Variants in HECW2 observed in about 807,000 individuals in gnomAD.
HECW2 encodes the protein E3 ubiquitin-protein ligase HECW2.
Under a neutral mutation model 175.2 loss-of-function variants are expected in HECW2, and 61 were observed. The observed-to-expected ratio is 0.35, with a 90% CI of 0.28 to 0.43. HECW2 has a LOEUF of 0.43. Ranked by LOEUF, HECW2 falls within the 20% of genes least tolerant of loss-of-function variation. The pLI, the probability that HECW2 is intolerant of heterozygous loss-of-function variation, is 1.00. For synonymous variants in HECW2, 671 were observed against 731.0 expected (o/e 0.92, Z 1.32); for missense variants, 1,524 against 2,000.5 (o/e 0.76, Z 4.54).
chr2:196,474,899 GAAT>G (rs1258757689), intron 1 of HECW2, among the ~76,000 whole-genome samples: 2 of 152,184 alleles, frequency 1.3e-5, no homozygotes, highest in African/African-American at 4.8e-5. Context: ...CCATTTATTA[GAAT>G]ATGTTCAATA....
At chr2:196,344,848 G>C (rs145716949) in intron 2 of HECW2, among the ~76,000 whole-genome samples, 38 of 152,282 alleles carry the variant, frequency 2.5e-4, no homozygotes, top group African/African-American at 8.2e-4. Context: ...TGGAAAGATG[G>C]AGAAAAGGTC....
At chr2:196,543,744 C>T (rs1689307117) in intron 1 of HECW2, among the ~76,000 whole-genome samples, 1 of 152,162 alleles carries the variant, frequency 6.6e-6, no homozygotes, top group Non-Finnish European at 1.5e-5. Flanking sequence ...TCCCGAGTAG[C>T]TGGCATTACA....
At chr2:196,509,408 G>A (rs1052596222) in intron 1 of HECW2, among the ~76,000 whole-genome samples, 2 of 152,190 alleles carry the variant, frequency 1.3e-5, no homozygotes, top group East Asian at 3.9e-4. Flanking sequence ...ATTGGCCACT[G>A]GTGATCAACT....
At chr2:196,332,169 C>A (rs1200657211) in intron 4 of HECW2, among the ~76,000 whole-genome samples, 1 of 152,132 alleles carries the variant, frequency 6.6e-6, no homozygotes, top group Non-Finnish European at 1.5e-5. Context: ...AGCATGACAG[C>A]TCATTTCCTT....
intron 14 of HECW2, among the ~76,000 whole-genome samples, chr2:196,283,709 T>C (rs868246669): frequency 2.2e-4 from 34 of 152,254 alleles, no homozygotes; most frequent in Middle Eastern, 6.8e-3. Context: ...TTAAAACGTA[T>C]ATGGGTTTTC....
At chr2:196,250,730 C>T (rs766243409) in intron 19 of HECW2, among the ~76,000 whole-genome samples, 3 of 152,098 alleles carry the variant, frequency 2.0e-5, no homozygotes, top group Non-Finnish European at 4.4e-5. Flanking sequence ...GCCCATGAGC[C>T]TGCCTTATTC....
At chr2:196,584,352 T>A (rs1388323690) in intron 1 of HECW2, among the ~76,000 whole-genome samples, 1 of 152,126 alleles carries the variant, frequency 6.6e-6, no homozygotes, top group Non-Finnish European at 1.5e-5. Context: ...GGAGGAAGCA[T>A]GGAAACTATC....
intron 21 of HECW2, among the ~76,000 whole-genome samples, chr2:196,231,347 C>A (rs1399674284): frequency 6.6e-6 from 1 of 152,116 alleles, no homozygotes; most frequent in African/African-American, 2.4e-5. Context: ...CAGGCAGGTG[C>A]CCTGACCCCA....
At chr2:196,430,980 GTATAGCA>G (rs1296791390) in intron 2 of HECW2, among the ~76,000 whole-genome samples, 2 of 152,166 alleles carry the variant, frequency 1.3e-5, no homozygotes, top group Admixed American at 6.5e-5. Context: ...TCACACCTAA[GTATAGCA>G]TAGACAAACT....
chr2:196,518,767 G>A (rs1236831317), intron 1 of HECW2, among the ~76,000 whole-genome samples: 1 of 151,386 alleles, frequency 6.6e-6, no homozygotes, highest in Non-Finnish European at 1.5e-5. Flanking sequence ...TTAAAAGTTG[G>A]CCTTAGCTCA....
At chr2:196,448,102 C>T (rs1696239087) in intron 1 of HECW2, among the ~76,000 whole-genome samples, 1 of 152,140 alleles carries the variant, frequency 6.6e-6, no homozygotes, top group South Asian at 2.1e-4. Context: ...TTATTTGTTC[C>T]TTCTAATGAT....
At chr2:196,322,990 T>C (rs1190971799) in intron 6 of HECW2, among the ~76,000 whole-genome samples, 1 of 152,242 alleles carries the variant, frequency 6.6e-6, no homozygotes, top group Non-Finnish European at 1.5e-5. Flanking sequence ...ATAGAATGGA[T>C]TAGAATTAAC....
intron 1 of HECW2, among the ~76,000 whole-genome samples, chr2:196,547,408 A>G (rs1689460821): frequency 6.6e-6 from 1 of 152,206 alleles, no homozygotes; most frequent in Non-Finnish European, 1.5e-5. Context: ...TATTTGCCCC[A>G]AGTGAACCTC....
chr2:196,304,197 T>C (rs1035812658), intron 13 of HECW2, among the ~76,000 whole-genome samples: 8 of 152,192 alleles, frequency 5.3e-5, no homozygotes, highest in African/African-American at 1.9e-4. Flanking sequence ...AACTCATTCC[T>C]ACCCCTGAGT....
At chr2:196,210,665 G>GTGTCACCCA (rs1687250373) in intron 28 of HECW2, among the ~76,000 whole-genome samples, 1 of 151,922 alleles carries the variant, frequency 6.6e-6, no homozygotes. Flanking sequence ...CCAGGCTGGA[G>GTGTCACCCA]TGCAGTGGCA....
chr2:196,521,342 T>C (rs1263182362), intron 1 of HECW2, among the ~76,000 whole-genome samples: 1 of 146,188 alleles, frequency 6.8e-6, no homozygotes, highest in Non-Finnish European at 1.5e-5. Flanking sequence ...TGCCAATTCA[T>C]ACCTAATTTT....
chr2:196,379,898 CAAA>C (rs5837506), intron 2 of HECW2, among the ~76,000 whole-genome samples: 87 of 127,594 alleles, frequency 6.8e-4, no homozygotes, highest in Admixed American at 7.8e-4. Flanking sequence ...TATTCTCCAG[CAAA>C]AAAAAAAAAA....
At chr2:196,207,162 T>C (rs1687099726) in intron 28 of HECW2, among the ~76,000 whole-genome samples, 1 of 152,174 alleles carries the variant, frequency 6.6e-6, no homozygotes, top group Non-Finnish European at 1.5e-5. Flanking sequence ...CAAAAACCTT[T>C]TCCAGTTATT....
chr2:196,210,043 G>A (rs1261542364), intron 28 of HECW2, among the ~76,000 whole-genome samples: 1 of 152,182 alleles, frequency 6.6e-6, no homozygotes, highest in Non-Finnish European at 1.5e-5. Context: ...GATTACAGGC[G>A]TGAGCCACTG....
Sources: allele counts gnomAD v4.1 joint callset (sites outside exome capture counted in the v4.1 genomes callset), GRCh38; gene constraint gnomAD v4.1.1; transcripts MANE v1.5; gene names NCBI Gene and HGNC (gene_info 2026-07-23, HGNC 2026-07-21).